The following NR2C1 variants were observed in gnomAD, a reference collection of about 807,000 sequenced individuals.
The protein encoded by NR2C1 is nuclear receptor subfamily 2 group C member 1.
In NR2C1, 33 loss-of-function variants were observed where a neutral mutation model predicts 74.8. The observed-to-expected ratio is 0.44, with a 90% CI of 0.33 to 0.59. The LOEUF (loss-of-function observed/expected upper bound fraction) is 0.59, where lower values mean the gene tolerates loss of function less well. Among genes scored for constraint, NR2C1 ranks in the 20% least tolerant of loss-of-function variants. The pLI is 0.02. For missense variants in NR2C1, 568 were observed against 715.6 expected, an observed-to-expected ratio of 0.79 and a Z score of 2.35; for synonymous variants, 225 against 240.6, an observed-to-expected ratio of 0.94 and a Z score of 0.60.
intron 7 of NR2C1, among the ~76,000 whole-genome samples, chr12:95,052,388 T>G (rs145550385): frequency 0.014 from 2,133 of 152,348 alleles, 40 homozygotes; most frequent in African/African-American, 0.048. Context: ...TCTCCTGACC[T>G]CATGATCTGC....
At chr12:95,025,688 G>T (rs1342729580) in intron 12 of NR2C1, among the ~76,000 whole-genome samples, 1 of 145,188 alleles carries the variant, frequency 6.9e-6, no homozygotes, top group African/African-American at 2.5e-5. Flanking sequence ...AAAAAGTGTG[G>T]CTCATTCATT....
chr12:95,025,821 A>C (rs2136091009), intron 12 of NR2C1, among the ~76,000 whole-genome samples: 1 of 151,558 alleles, frequency 6.6e-6, no homozygotes, highest in South Asian at 2.1e-4. Context: ...TGTTACCAAA[A>C]CAAACAGCTT....
intron 7 of NR2C1, among the ~76,000 whole-genome samples, chr12:95,055,225 T>C (rs532724769): frequency 3.3e-5 from 5 of 152,374 alleles, no homozygotes; most frequent in Admixed American, 2.6e-4. Context: ...AAGCTTACCA[T>C]ACGGTTGTCA....
intron 2 of NR2C1, chr12:95,067,089 T>TTCCC (rs1037027764): frequency 4.1e-5 from 22 of 535,424 alleles, no homozygotes; most frequent in Non-Finnish European, 6.5e-5. Flanking sequence ...CCTTCCTTCC[T>TTCCC]TCCCTTCATT....
At chr12:95,062,772 C>T (rs769280888) in intron 2 of NR2C1, 34 bp from the exon 3 acceptor site, 15 of 1,526,308 alleles carry the variant, frequency 9.8e-6, no homozygotes, top group Non-Finnish European at 1.4e-5. Flanking sequence ...CAATGAAACT[C>T]AATAATTTTT....
At chr12:95,057,933 A>G in intron 5 of NR2C1, 55 bp from the exon 6 acceptor site, 2 of 1,487,808 alleles carry the variant, frequency 1.3e-6, no homozygotes, top group Non-Finnish European at 1.9e-6. Context: ...AGACAATTAG[A>G]AATGTAAGCT....
chr12:95,064,332 A>C (rs1325324656), intron 2 of NR2C1, among the ~76,000 whole-genome samples: 1 of 138,892 alleles, frequency 7.2e-6, no homozygotes, highest in African/African-American at 2.5e-5. Flanking sequence ...CTGTCTCAAA[A>C]AAAAAAAAAA....
chr12:95,061,029 G>A (rs749445412), intron 3 of NR2C1, among the ~76,000 whole-genome samples: 1 of 152,134 alleles, frequency 6.6e-6, no homozygotes, highest in Non-Finnish European at 1.5e-5. Flanking sequence ...CCTAAGTCTG[G>A]AAGGAGATAT....
intron 9 of NR2C1, among the ~76,000 whole-genome samples, chr12:95,044,881 A>AAAAAAC (rs746009630): frequency 3.3e-5 from 5 of 152,044 alleles, no homozygotes; most frequent in Admixed American, 2.0e-4. Flanking sequence ...GTCTGTCTCA[A>AAAAAAC]AAAAACAAAA....
At chr12:95,046,059 C>G (rs1033525785) in intron 9 of NR2C1, among the ~76,000 whole-genome samples, 3 of 152,052 alleles carry the variant, frequency 2.0e-5, no homozygotes, top group Non-Finnish European at 4.4e-5. Context: ...AGGCTGGTCT[C>G]GAACTCCTGA....
intron 9 of NR2C1, among the ~76,000 whole-genome samples, chr12:95,045,845 C>CT (rs1034352153): frequency 1.0e-4 from 15 of 150,730 alleles, no homozygotes; most frequent in Non-Finnish European, 1.9e-4. Flanking sequence ...AAATCTTTTT[C>CT]TTTTTTTTTG....
In NR2C1 at chr12:95,051,901, C is replaced by A. The variant is rs1170871423; in HGVS notation, c.826G>T (p.Val276Phe). ...TTTCCAAGATTCGCTAATGATGTAA[C>A]CACATTGGCCAATGTACTTAAATCT... Reference protein sequence around the residue: ...QGDLSTLANVVTSLANLGKTK... With the variant: ...QGDLSTLANVFTSLANLGKTK... The change falls in exon 8 of 14, where the codon GTT (valine) becomes TTT (phenylalanine). Residue 276 changes from valine (V) to phenylalanine (F), a missense_variant. Val to Phe is a conservative substitution (Grantham distance 50). Coordinates refer to ENST00000333003, the MANE Select transcript of NR2C1 (RefSeq NM_003297.4). 1 of 1,604,296 alleles carries A rather than the reference C, an allele frequency of 6.2e-7. No homozygotes were observed. Among genetic ancestry groups the A allele is most frequent in the Non-Finnish European group, 8.5e-7 (1 of 1,177,826 alleles).
Position 95,031,394 on chromosome 12 carries a change from T to C in NR2C1, c.1348A>G (p.Ile450Val). ...AGACAATTGACAAATGTTGCTAATA[T>C]AGTTGCTACATTCATCACTTGCCAG... ...QCWQVMNVATILATFVNCLHN... is the reference protein window; with the variant it reads ...QCWQVMNVATVLATFVNCLHN... Residue 450 changes from isoleucine (I) to valine (V), a missense_variant, in exon 11 of 14, where the codon ATA becomes GTA. Physicochemically the swap from Ile to Val is conservative, Grantham distance 29 (BLOSUM62 3). This residue lies in a region of NR2C1 where 117 missense variants were observed against 186.7 expected (regional missense o/e 0.63). Transcript: ENST00000333003. The C allele has an allele frequency of 1.2e-6, 2 of 1,606,652 alleles. No individual in the cohort carries two copies. Among genetic ancestry groups the C allele is most frequent in the Non-Finnish European group, 1.7e-6 (2 of 1,177,130 alleles).
chr12:95,036,087 T>C (rs1213914986), intron 10 of NR2C1, among the ~76,000 whole-genome samples: 1 of 152,184 alleles, frequency 6.6e-6, no homozygotes, highest in Non-Finnish European at 1.5e-5. Flanking sequence ...CAGTAGAGAC[T>C]CCTCCATTTA....
chr12:95,026,298 G>T (rs953554955), intron 12 of NR2C1, among the ~76,000 whole-genome samples: 7 of 151,552 alleles, frequency 4.6e-5, no homozygotes, highest in Non-Finnish European at 8.8e-5. Flanking sequence ...CTATTTTTAG[G>T]TAAAAAGGTA....
chr12:95,070,838 C>T (rs1333394118), intron 1 of NR2C1, among the ~76,000 whole-genome samples: 1 of 152,218 alleles, frequency 6.6e-6, no homozygotes, highest in Non-Finnish European at 1.5e-5. Context: ...TCAGGTCAAA[C>T]TACGATGTTC....
chr12:95,041,852 C>T (rs1871575376), intron 9 of NR2C1, among the ~76,000 whole-genome samples: 1 of 152,216 alleles, frequency 6.6e-6, no homozygotes, highest in Non-Finnish European at 1.5e-5. Flanking sequence ...GTAAGGATGT[C>T]CATTGCAGCT....
At chr12:95,032,334 C>T (rs994513214) in intron 10 of NR2C1, among the ~76,000 whole-genome samples, 2 of 152,040 alleles carry the variant, frequency 1.3e-5, no homozygotes, top group African/African-American at 4.8e-5. Context: ...TTCTAAGTAA[C>T]TGATCTCAGC....
rs761764264 is a variant in NR2C1, at chr12:95,059,871, T to C, written c.364+35A>G. 3 of 1,475,496 alleles carry C rather than the reference T, an allele frequency of 2.0e-6. No homozygotes were observed. The Admixed American group carries it at 6.4e-5, about 31-fold the overall frequency. The allele number at this position is 1,475,496 out of a possible 1,614,324, so 91.4% of individuals were successfully genotyped here. On this transcript the variant is annotated intron_variant, in intron 4 of 13. Coordinates refer to ENST00000333003, the MANE Select transcript of NR2C1 (RefSeq NM_003297.4). ...ACGACACATATAGGAGGTTATTTTT[T>C]TTTTCTGTTTTTAGGAGGTTATTCT...
Sources: allele counts gnomAD v4.1 joint callset (sites outside exome capture counted in the v4.1 genomes callset), GRCh38; gene constraint gnomAD v4.1.1; regional missense constraint gnomAD v4.1.1; transcripts MANE v1.5; gene names NCBI Gene and HGNC (gene_info 2026-07-23, HGNC 2026-07-21).